Variants in ZNF735 observed in about 807,000 individuals in gnomAD.
ZNF735 encodes the protein putative zinc finger protein 735.
In ZNF735, 11 loss-of-function variants were observed where a neutral mutation model predicts 13.4. That is an observed-to-expected ratio of 0.82 (90% CI 0.52 to 1.36). The LOEUF (loss-of-function observed/expected upper bound fraction) is 1.36. ZNF735 is among the 40% of genes most tolerant of loss of function. The pLI is 0.00. For synonymous variants in ZNF735, 171 were observed against 162.6 expected (o/e 1.05, Z -0.39); for missense variants, 500 against 484.6 (o/e 1.03, Z -0.30).
At chr7:64,207,272 G>C in intron 1 of ZNF735, 31 bp downstream of exon 1, 1 of 1,614,176 alleles carries the variant, frequency 6.2e-7, no homozygotes, top group Non-Finnish European at 8.5e-7. Context: ...CGTGAGAGAG[G>C]GGTGGGAGGT....
chr7:64,207,376 C>T (rs1210400136), intron 1 of ZNF735, 135 bp downstream of exon 1: 27 of 1,541,406 alleles, frequency 1.8e-5, no homozygotes, highest in South Asian at 4.6e-5. Flanking sequence ...TGGCCCAGTT[C>T]GGCTGTTAGC....
At chr7:64,213,244 C>T (rs1258771534) in intron 2 of ZNF735, 26 bp downstream of exon 2, 1 of 1,563,678 alleles carries the variant, frequency 6.4e-7, no homozygotes, top group South Asian at 1.2e-5. Flanking sequence ...ATACATAATT[C>T]CTAATATATT....
At chr7:64,215,421 T>C (rs1000306126) in intron 3 of ZNF735, among the ~76,000 whole-genome samples, 1 of 152,162 alleles carries the variant, frequency 6.6e-6, no homozygotes, top group Non-Finnish European at 1.5e-5. Flanking sequence ...GTCGTTTATA[T>C]ATTTTCAATA....
intron 1 of ZNF735, among the ~76,000 whole-genome samples, chr7:64,207,564 A>C (rs1268404967): frequency 6.6e-6 from 1 of 152,154 alleles, no homozygotes; most frequent in Non-Finnish European, 1.5e-5. Context: ...GAGAATCCTG[A>C]CACAGGGTGC....
rs747275315 is a variant in ZNF735 at position 64,214,005 on chromosome 7, T to C, written c.167-8T>C. ...GATTTAAGTTACTTTTTTTTCTTAA[T>C]AAAACAGGTATGACTGTCTCTAAGC... On this transcript the variant is annotated splice_region_variant and splice_polypyrimidine_tract_variant and intron_variant, in intron 2 of 3. Coordinates refer to ENST00000429565, the Ensembl canonical transcript of ZNF735. 3.8e-6 allele frequency: 6 copies of C among 1,582,738 alleles called. No homozygotes were observed. In the Admixed American group the frequency reaches 5.3e-5, roughly 14 times the overall value.
chr7:64,207,291 C>G, intron 1 of ZNF735, 50 bp downstream of exon 1: 1 of 1,614,132 alleles, frequency 6.2e-7, no homozygotes, highest in Non-Finnish European at 8.5e-7. Flanking sequence ...GTGGTTGGAA[C>G]CGGCTGAAAG....
At chr7:64,207,390 C>CT (rs1562831005) in intron 1 of ZNF735, 149 bp downstream of exon 1, 1 of 1,482,636 alleles carries the variant, frequency 6.7e-7, no homozygotes, top group African/African-American at 1.4e-5. Context: ...TGTTAGCCCC[C>CT]TCCAGCCCTA....
chr7:64,209,731 A>G (rs1016856709), intron 1 of ZNF735, among the ~76,000 whole-genome samples: 16 of 152,136 alleles, frequency 1.1e-4, no homozygotes, highest in African/African-American at 3.9e-4. Context: ...CTCTTTTGAA[A>G]TTCTTTTAAT....
chr7:64,207,582 A>G (rs1264575946), intron 1 of ZNF735, among the ~76,000 whole-genome samples: 10 of 152,244 alleles, frequency 6.6e-5, no homozygotes, highest in Admixed American at 5.9e-4. Context: ...TGCAGGATTC[A>G]TAAGTGGTAA....
chr7:64,217,864 C>G (rs1035387059), intron 3 of ZNF735, among the ~76,000 whole-genome samples: 2 of 151,670 alleles, frequency 1.3e-5, no homozygotes, highest in Non-Finnish European at 2.9e-5. Context: ...TTATATCTAC[C>G]CTGTGCTTCT....
At chr7:64,219,258 A>C in intron 3 of ZNF735, 56 bp from the exon 4 acceptor site, 1 of 1,568,556 alleles carries the variant, frequency 6.4e-7, no homozygotes, top group Non-Finnish European at 8.6e-7. Flanking sequence ...TGATTTGTAC[A>C]GTATATTTAT....
At chr7:64,219,555 A>G (rs1787462018) in exon 4 of ZNF735, 1 of 1,588,058 alleles carries the variant, frequency 6.3e-7, no homozygotes, top group East Asian at 2.3e-5. Flanking sequence ...TCTTCAGTAA[A>G]TTTTCAAATT....
chr7:64,218,390 T>C (rs1330634148), intron 3 of ZNF735, among the ~76,000 whole-genome samples: 5 of 152,168 alleles, frequency 3.3e-5, no homozygotes, highest in African/African-American at 1.2e-4. Flanking sequence ...AAATATGTGT[T>C]ATGGATCTTT....
exon 3 of ZNF735, chr7:64,214,016 T>G: frequency 1.3e-6 from 2 of 1,596,254 alleles, no homozygotes; most frequent in Non-Finnish European, 1.7e-6. Flanking sequence ...AAAACAGGTA[T>G]GACTGTCTCT....
At chr7:64,209,090 G>C (rs1449202369) in intron 1 of ZNF735, among the ~76,000 whole-genome samples, 6 of 152,114 alleles carry the variant, frequency 3.9e-5, no homozygotes, top group African/African-American at 1.2e-4. Flanking sequence ...TCCCAATTGT[G>C]GTACTGGGAA....
chr7:64,212,558 A>G (rs1787373234), intron 1 of ZNF735, among the ~76,000 whole-genome samples: 1 of 152,072 alleles, frequency 6.6e-6, no homozygotes, highest in Non-Finnish European at 1.5e-5. Context: ...TTTGGGAGGC[A>G]AAGGTGAGTG....
exon 4 of ZNF735, chr7:64,220,044 C>A: frequency 1.9e-6 from 3 of 1,612,714 alleles, no homozygotes; most frequent in Non-Finnish European, 2.5e-6. Flanking sequence ...AAGAATGTGG[C>A]AAAGCCTTTA....
chr7:64,214,747 T>C (rs536293631), intron 3 of ZNF735, among the ~76,000 whole-genome samples: 52 of 152,178 alleles, frequency 3.4e-4, no homozygotes, highest in Admixed American at 1.2e-3. Flanking sequence ...GATTCATAAA[T>C]GGTATTGCTG....
chr7:64,209,227 C>CA (rs1562831474), intron 1 of ZNF735, among the ~76,000 whole-genome samples: 26 of 125,482 alleles, frequency 2.1e-4, no homozygotes, highest in African/African-American at 5.3e-4. Context: ...GCATCTGTTC[C>CA]GTTTTTTTTT....
Sources: gnomAD v4.1 joint callset for allele counts (sites outside exome capture counted in the v4.1 genomes callset) on GRCh38, gnomAD v4.1.1 for gene constraint, MANE v1.5 for transcripts, NCBI Gene and HGNC (gene_info 2026-07-23, HGNC 2026-07-21) for gene names.